Variants in PACRG observed in about 807,000 individuals in gnomAD.
The protein encoded by PACRG is parkin coregulated.
In PACRG, 29 loss-of-function variants were observed where a neutral mutation model predicts 29.7. The ratio of observed to expected loss-of-function variants is 0.98; its 90% CI spans 0.73 to 1.33. The LOEUF is 1.33. PACRG is among the 40% of genes most tolerant of loss of function. The pLI is 0.00. For synonymous variants in PACRG, 116 were observed against 118.7 expected (o/e 0.98, Z 0.15); for missense variants, 279 against 316.2 (o/e 0.88, Z 0.89).
intron 2 of PACRG, among the ~76,000 whole-genome samples, chr6:162,995,161 A>C (rs1421223053): frequency 1.3e-5 from 2 of 150,020 alleles, no homozygotes; most frequent in African/African-American, 2.5e-5. Flanking sequence ...AGACAGGGAC[A>C]TTTAAGTCTG....
At chr6:162,880,234 G>C (rs1380689220) in intron 2 of PACRG, among the ~76,000 whole-genome samples, 1 of 152,186 alleles carries the variant, frequency 6.6e-6, no homozygotes, top group East Asian at 1.9e-4. Flanking sequence ...TTTCAATACA[G>C]TATGGCAAAC....
At chr6:163,171,881 C>T (rs905667194) in intron 4 of PACRG, among the ~76,000 whole-genome samples, 3 of 152,262 alleles carry the variant, frequency 2.0e-5, no homozygotes, top group African/African-American at 7.2e-5. Context: ...AGTCAGCTTT[C>T]CCCTGTGAGA....
chr6:163,169,543 G>A (rs1778969740), intron 4 of PACRG, among the ~76,000 whole-genome samples: 1 of 152,188 alleles, frequency 6.6e-6, no homozygotes, highest in South Asian at 2.1e-4. Flanking sequence ...TGTTGTTGCG[G>A]GTGTGGAACT....
chr6:162,849,021 G>A (rs989474145), intron 2 of PACRG, among the ~76,000 whole-genome samples: 2 of 152,140 alleles, frequency 1.3e-5, no homozygotes, highest in Non-Finnish European at 2.9e-5. Context: ...GATGCCAAAT[G>A]GTAACTAAAG....
intron 1 of PACRG, among the ~76,000 whole-genome samples, chr6:162,729,181 A>G (rs1200336422): frequency 6.6e-6 from 1 of 152,176 alleles, no homozygotes; most frequent in African/African-American, 2.4e-5. Flanking sequence ...ATAGCTTTAC[A>G]CTTGGTATGC....
At chr6:162,898,582 A>T (rs544815600) in intron 2 of PACRG, among the ~76,000 whole-genome samples, 9 of 152,194 alleles carry the variant, frequency 5.9e-5, no homozygotes, top group Non-Finnish European at 1.3e-4. Context: ...TCTATCTGTT[A>T]TCAGCTGTGT....
At chr6:162,967,001 C>A (rs1187825116) in intron 2 of PACRG, among the ~76,000 whole-genome samples, 2 of 152,186 alleles carry the variant, frequency 1.3e-5, no homozygotes, top group Admixed American at 1.3e-4. Flanking sequence ...AGCTTCAGGG[C>A]AACTTACACC....
chr6:162,799,129 GT>G (rs1365497801), intron 1 of PACRG, among the ~76,000 whole-genome samples: 1 of 152,152 alleles, frequency 6.6e-6, no homozygotes, highest in African/African-American at 2.4e-5. Context: ...ATGTGGATTA[GT>G]TGGCTTTATT....
At chr6:163,266,587 C>T (rs532563293) in intron 4 of PACRG, among the ~76,000 whole-genome samples, 1 of 152,304 alleles carries the variant, frequency 6.6e-6, no homozygotes, top group South Asian at 2.1e-4. Context: ...TCATGCTCAT[C>T]TAACCTCCTT....
chr6:163,249,923 A>C lies in PACRG; in HGVS notation c.614-64904A>C, dbSNP rs151315411. 2.6e-5 allele frequency among the ~76,000 whole-genome samples: 4 copies of C among 152,342 alleles called. No homozygotes were observed. In the East Asian group the frequency reaches 7.7e-4, roughly 29 times the overall value. ...ACGCCAGCTGGCCAGTCTGAGGCTA[A>C]GTATTTGCACAAAGGCTGACCAGAT... On this transcript the variant is annotated intron_variant, in intron 4 of 4. Transcript: ENST00000366888.
chr6:162,961,561 C>G (rs1562782771), intron 2 of PACRG, among the ~76,000 whole-genome samples: 1 of 152,128 alleles, frequency 6.6e-6, no homozygotes, highest in Non-Finnish European at 1.5e-5. Context: ...CCAAAGTCTT[C>G]ATCCTCTCCT....
intron 2 of PACRG, among the ~76,000 whole-genome samples, chr6:162,831,195 T>A (rs556442986): frequency 7.5e-4 from 114 of 152,298 alleles, no homozygotes; most frequent in Admixed American, 1.2e-3. Context: ...TGAAGGGTTT[T>A]GAAACTGCCT....
intron 4 of PACRG, among the ~76,000 whole-genome samples, chr6:163,122,100 A>G (rs1005228879): frequency 4.6e-5 from 7 of 152,298 alleles, no homozygotes; most frequent in African/African-American, 1.7e-4. Flanking sequence ...TTAGATACCT[A>G]CTATGGGCAT....
intron 4 of PACRG, among the ~76,000 whole-genome samples, chr6:163,091,288 C>G (rs1025839793): frequency 6.6e-6 from 1 of 152,174 alleles, no homozygotes; most frequent in Admixed American, 6.5e-5. Flanking sequence ...GACTACTAAA[C>G]AAAACAATTG....
chr6:162,918,673 A>G (rs900512046), intron 2 of PACRG, among the ~76,000 whole-genome samples: 6 of 152,182 alleles, frequency 3.9e-5, no homozygotes, highest in Non-Finnish European at 8.8e-5. Flanking sequence ...GTTACAACAC[A>G]TATGTATTAG....
At chr6:162,812,093 G>A (rs1387881311) in intron 1 of PACRG, among the ~76,000 whole-genome samples, 1 of 152,128 alleles carries the variant, frequency 6.6e-6, no homozygotes, top group Non-Finnish European at 1.5e-5. Context: ...AGGTTAAGGG[G>A]AAGAAAGAGT....
chr6:163,118,550 C>G (rs1816123380), intron 4 of PACRG, among the ~76,000 whole-genome samples: 1 of 152,188 alleles, frequency 6.6e-6, no homozygotes, highest in South Asian at 2.1e-4. Context: ...AACTGTTATT[C>G]ATGTTAGGCT....
chr6:163,180,248 T>C (rs1215931893), intron 4 of PACRG, among the ~76,000 whole-genome samples: 2 of 152,102 alleles, frequency 1.3e-5, no homozygotes, highest in Non-Finnish European at 2.9e-5. Context: ...AAGCCAGGAG[T>C]GAGTCCCTCA....
At chr6:162,786,552 G>A (rs1162056174) in intron 1 of PACRG, among the ~76,000 whole-genome samples, 2 of 152,150 alleles carry the variant, frequency 1.3e-5, no homozygotes, top group Non-Finnish European at 2.9e-5. Flanking sequence ...TGGAGAGAAC[G>A]CCTAGGACCT....
Sources: gnomAD v4.1 joint callset for allele counts (sites outside exome capture counted in the v4.1 genomes callset) on GRCh38, gnomAD v4.1.1 for gene constraint, MANE v1.5 for transcripts, NCBI Gene and HGNC (gene_info 2026-07-23, HGNC 2026-07-21) for gene names.